Variants in SLC8A3 observed in about 807,000 individuals in gnomAD.
The protein encoded by SLC8A3 is sodium/calcium exchanger 3.
A neutral mutation model predicts 65.4 loss-of-function variants in SLC8A3; 37 were observed. The observed-to-expected ratio is 0.57, with a 90% CI of 0.44 to 0.74. SLC8A3 has a LOEUF of 0.74. Ranked by LOEUF, SLC8A3 falls within the 30% of genes least tolerant of loss-of-function variation. The probability of loss-of-function intolerance (pLI) is 0.00; values close to 1 mark genes in which losing one functional copy is unlikely to be tolerated. For synonymous variants in SLC8A3, 461 were observed against 444.5 expected, an observed-to-expected ratio of 1.04 and a Z score of -0.47; for missense variants, 1,112 against 1,172.1, an observed-to-expected ratio of 0.95 and a Z score of 0.75.
intron 2 of SLC8A3, among the ~76,000 whole-genome samples, chr14:70,064,546 G>C (rs1022182553): frequency 6.6e-6 from 1 of 150,820 alleles, no homozygotes; most frequent in Non-Finnish European, 1.5e-5. Context: ...GTCGGGGGTG[G>C]TGGTGGCGGC....
intron 2 of SLC8A3, among the ~76,000 whole-genome samples, chr14:70,071,926 C>A (rs886753233): frequency 3.3e-5 from 5 of 152,100 alleles, no homozygotes; most frequent in Admixed American, 3.3e-4. Flanking sequence ...TGCACAGACT[C>A]CCCTTTTGCT....
intron 2 of SLC8A3, among the ~76,000 whole-genome samples, chr14:70,078,976 T>C (rs1186595432): frequency 6.6e-6 from 1 of 152,228 alleles, no homozygotes; most frequent in Non-Finnish European, 1.5e-5. Context: ...AACTTCTGTA[T>C]TTCCCTTTCA....
rs1216286630 is a variant in SLC8A3 at position 70,110,335 on chromosome 14, C to A, written c.1785-49396G>T. Among the ~76,000 whole-genome samples the A allele has an allele frequency of 3.4e-5, 4 of 117,550 alleles. No individual in the cohort carries two copies. The East Asian group carries it at 8.4e-4, about 25-fold the overall frequency. The allele number at this position is 117,550 out of a possible 152,430, so 77.1% of individuals were successfully genotyped here. On this transcript the variant is annotated intron_variant, in intron 2 of 6. Coordinates refer to ENST00000356921, the MANE Select transcript of SLC8A3 (RefSeq NM_182932.3). ...TTAACCATCCCACCCTCCCCCTAAG[C>A]CCCCCACCACCCTTCCCAGCCTCTG...
At chr14:70,124,309 T>C (rs80160678) in intron 2 of SLC8A3, among the ~76,000 whole-genome samples, 5,611 of 152,300 alleles carry the variant, frequency 0.037, 161 homozygotes, top group Middle Eastern at 0.075. Flanking sequence ...TGCCTCTCTC[T>C]TCAGTAATAT....
chr14:70,123,943 TC>T (rs1894263047), intron 2 of SLC8A3, among the ~76,000 whole-genome samples: 4 of 152,150 alleles, frequency 2.6e-5, no homozygotes, highest in Admixed American at 2.6e-4. Context: ...CCTCCCAGGC[TC>T]CGGTCCCCCA....
chr14:70,124,837 A>C (rs1894335457), intron 2 of SLC8A3, among the ~76,000 whole-genome samples: 1 of 152,236 alleles, frequency 6.6e-6, no homozygotes, highest in African/African-American at 2.4e-5. Context: ...GGTTTATAAG[A>C]CTATATTTGG....
At chr14:70,151,538 G>A (rs911724495) in intron 2 of SLC8A3, among the ~76,000 whole-genome samples, 1 of 152,224 alleles carries the variant, frequency 6.6e-6, no homozygotes, top group Non-Finnish European at 1.5e-5. Flanking sequence ...TAGCACAGAG[G>A]TCGCTCTTCT....
chr14:70,188,741 C>T lies in SLC8A3; in HGVS notation c.-425G>A, dbSNP rs1883569107. On this transcript the variant is annotated 5_prime_UTR_variant, in exon 1 of 7. Transcript: ENST00000356921. ...CTACGCCCGGGAGAGGCCCGGAGTCCCGGCCGCGGGCGGCGGGGGATTCCT... is the reference window on the plus strand; with the variant it reads ...CTACGCCCGGGAGAGGCCCGGAGTCTCGGCCGCGGGCGGCGGGGGATTCCT... The T allele has an allele frequency of 6.6e-6, 1 of 152,132 alleles. No homozygotes were observed. The highest frequency in any genetic ancestry group is 2.4e-5 in the African/African-American group (1 of 41,442). The allele number at this position is 152,132 out of a possible 1,614,324, so 9.4% of individuals were successfully genotyped here.
At chr14:70,116,136 A>G (rs1299766590) in intron 2 of SLC8A3, among the ~76,000 whole-genome samples, 3 of 152,190 alleles carry the variant, frequency 2.0e-5, no homozygotes, top group East Asian at 1.9e-4. Flanking sequence ...AGAGGGGGTC[A>G]TAGACTTTGA....
chr14:70,167,861 C>T lies in SLC8A3; in HGVS notation c.562G>A (p.Val188Met), dbSNP rs200355498. ...MFIIIGICVYVIPDGETRKIK... is the reference protein window; with the variant it reads ...MFIIIGICVYMIPDGETRKIK... ...TTGCGAGTCTCTCCGTCTGGGATCA[C>T]GTAGACACAGATGCCAATGATGATG... is the stretch of plus-strand genomic sequence containing the variant. Residue 188 changes from valine (V) to methionine (M), a missense_variant, in exon 2 of 7, where the codon GTG (valine) becomes ATG (methionine). Val to Met is a conservative substitution (Grantham distance 21). Transcript: ENST00000356921. 2.9e-4 allele frequency: 475 copies of T among 1,614,012 alleles called. No homozygotes were observed. The highest frequency in any genetic ancestry group is 3.8e-4 in the Non-Finnish European group (450 of 1,180,016).
chr14:70,061,946 C>T (rs1455105598), intron 2 of SLC8A3, among the ~76,000 whole-genome samples: 4 of 152,054 alleles, frequency 2.6e-5, no homozygotes, highest in Non-Finnish European at 5.9e-5. Context: ...AAATTCACTG[C>T]CCTCCAAAGA....
At chr14:70,056,539 A>G (rs937283450) in intron 3 of SLC8A3, among the ~76,000 whole-genome samples, 7 of 152,200 alleles carry the variant, frequency 4.6e-5, no homozygotes, top group Non-Finnish European at 8.8e-5. Flanking sequence ...AGTTAGGGCT[A>G]TGGGCTCCTC....
At position 70,044,525 on chromosome 14, in the gene SLC8A3, G is replaced by A. The variant is rs1463672632; in HGVS notation, c.*1422C>T. 1 of 152,054 alleles carries A rather than the reference G, an allele frequency of 6.6e-6. No homozygotes were observed. The highest frequency in any genetic ancestry group is 2.4e-5 in the African/African-American group (1 of 41,380). 9.4% of individuals were successfully genotyped at this position (152,054 alleles called of 1,614,324 possible). On this transcript the variant is annotated 3_prime_UTR_variant, in exon 7 of 7. Coordinates refer to ENST00000356921, the MANE Select transcript of SLC8A3 (RefSeq NM_182932.3). The stretch of plus-strand genomic sequence containing the variant: ...TCCTTCCCACATTCGTTGAGAAAAG[G>A]TCTGTAGGGCACGGAGATCTCTTTC...
Position 70,046,064 on chromosome 14 carries a change from C to T in SLC8A3, c.2649G>A (p.Gly883=). ...TGCAGCCACGGGGGCCACCAAGCTCCCCTCCCAGGTGCGGCCGCCTTCGGT... is the reference window on the plus strand; with the variant it reads ...TGCAGCCACGGGGGCCACCAAGCTCTCCTCCCAGGTGCGGCCGCCTTCGGT... ...LLYRRRPHLG[G]ELGGPRGCKL... The change falls in exon 7 of 7, where the codon GGG becomes GGA. Residue 883 remains glycine (G), a synonymous_variant. Coordinates refer to ENST00000356921, the MANE Select transcript of SLC8A3 (RefSeq NM_182932.3). This position sits in a 1 kb window ranked among gnomAD's most constrained non-coding sequence, Gnocchi z 4.2. 1 of 1,614,076 alleles carries T rather than the reference C, an allele frequency of 6.2e-7. No individual in the cohort carries two copies. Among genetic ancestry groups the T allele is most frequent in the Non-Finnish European group, 8.5e-7 (1 of 1,179,996 alleles).
chr14:70,186,701 C>T (rs1883249716), intron 1 of SLC8A3, among the ~76,000 whole-genome samples: 1 of 152,122 alleles, frequency 6.6e-6, no homozygotes, highest in Non-Finnish European at 1.5e-5. Flanking sequence ...CAATGAGGGG[C>T]TGGGTTGATC....
chr14:70,171,072 T>A (rs548953303), intron 1 of SLC8A3, among the ~76,000 whole-genome samples: 3 of 152,338 alleles, frequency 2.0e-5, no homozygotes, highest in Non-Finnish European at 4.4e-5. Flanking sequence ...CTTGGCTCTT[T>A]ACTTTGACCT....
At chr14:70,097,933 C>T (rs965858145) in intron 2 of SLC8A3, among the ~76,000 whole-genome samples, 7 of 152,160 alleles carry the variant, frequency 4.6e-5, no homozygotes, top group Non-Finnish European at 7.4e-5. Flanking sequence ...CCCTAGATCC[C>T]GTCTTTGAAC....
intron 2 of SLC8A3, among the ~76,000 whole-genome samples, chr14:70,148,905 C>T (rs17765376): frequency 0.17 from 25,071 of 146,220 alleles, 2,470 homozygotes; most frequent in Middle Eastern, 0.25. Flanking sequence ...TGTGTAGAGC[C>T]GGGAGGAGTT....
At chr14:70,069,436 T>C (rs972193247) in intron 2 of SLC8A3, among the ~76,000 whole-genome samples, 1 of 152,236 alleles carries the variant, frequency 6.6e-6, no homozygotes, top group South Asian at 2.1e-4. Flanking sequence ...CACTTCTGAA[T>C]GTATCCTTGC....
Sources: gnomAD v4.1 joint callset for allele counts (sites outside exome capture counted in the v4.1 genomes callset) on GRCh38, gnomAD v4.1.1 for gene constraint, Gnocchi (gnomAD v3.1) non-coding constraint, MANE v1.5 for transcripts, NCBI Gene and HGNC (gene_info 2026-07-23, HGNC 2026-07-21) for gene names.